Variants in RAD51B observed in about 807,000 individuals in gnomAD.
RAD51B encodes RAD51 paralog B.
RAD51B carries 38 observed loss-of-function variants against 42.2 expected under a neutral mutation model. That is an observed-to-expected ratio of 0.90 (90% CI 0.70 to 1.18). The LOEUF is 1.18. Among genes scored for constraint, RAD51B ranks in the 50% most tolerant of loss-of-function variants. The pLI is 0.00. For missense variants in RAD51B, 373 were observed against 400.7 expected (o/e 0.93, Z 0.59); for synonymous variants, 154 against 145.2 (o/e 1.06, Z -0.43).
intron 7 of RAD51B, among the ~76,000 whole-genome samples, chr14:67,893,467 G>GACACACACAC (rs756541648): frequency 9.0e-6 from 1 of 111,292 alleles, no homozygotes; most frequent in African/African-American, 4.1e-5. Flanking sequence ...CACAGACACA[G>GACACACACAC]ACACACACAC....
At chr14:68,102,961 G>C (rs1323428528) in intron 7 of RAD51B, among the ~76,000 whole-genome samples, 2 of 152,102 alleles carry the variant, frequency 1.3e-5, no homozygotes, top group Non-Finnish European at 2.9e-5. Context: ...TCTTCACATG[G>C]CAGCAGAAGA....
At chr14:68,645,097 G>C (rs1764936918) in intron 10 of RAD51B, among the ~76,000 whole-genome samples, 1 of 152,128 alleles carries the variant, frequency 6.6e-6, no homozygotes, top group African/African-American at 2.4e-5. Flanking sequence ...TCCATCACTA[G>C]AGCATTTTGA....
At chr14:67,827,515 G>A (rs1459925515) in intron 3 of RAD51B, among the ~76,000 whole-genome samples, 5 of 151,364 alleles carry the variant, frequency 3.3e-5, no homozygotes, top group African/African-American at 1.2e-4. Context: ...TGTGCAGGAT[G>A]TGCAGGTTTG....
At chr14:68,568,304 T>C (rs1889522952) in intron 10 of RAD51B, among the ~76,000 whole-genome samples, 1 of 151,978 alleles carries the variant, frequency 6.6e-6, no homozygotes, top group African/African-American at 2.4e-5. Flanking sequence ...GGTAGGTGAG[T>C]GGGTGGAGAA....
downstream of RAD51B, among the ~76,000 whole-genome samples, chr14:68,614,394 A>G (rs927457221): frequency 6.6e-6 from 1 of 152,186 alleles, no homozygotes; most frequent in African/African-American, 2.4e-5. Flanking sequence ...TCACCCTCTT[A>G]AAGTGTACAA....
chr14:68,648,343 A>C (rs1193013771), intron 10 of RAD51B, among the ~76,000 whole-genome samples: 1 of 141,986 alleles, frequency 7.0e-6, no homozygotes, highest in Non-Finnish European at 1.5e-5. Flanking sequence ...GTGCAAGTTG[A>C]TTTATTGAGG....
intron 7 of RAD51B, among the ~76,000 whole-genome samples, chr14:67,940,040 AT>A (rs1376600474): frequency 9.2e-5 from 1 of 10,812 alleles, no homozygotes; most frequent in African/African-American, 2.0e-4. Context: ...ATATATATAT[AT>A]ATATATATAT....
chr14:68,273,569 C>A (rs1004708738), intron 7 of RAD51B, among the ~76,000 whole-genome samples: 1 of 152,098 alleles, frequency 6.6e-6, no homozygotes, highest in African/African-American at 2.4e-5. Flanking sequence ...ATTATCAGGC[C>A]CCGTTAGCCT....
At chr14:68,200,869 G>A (rs1333216266) in intron 7 of RAD51B, among the ~76,000 whole-genome samples, 1 of 151,894 alleles carries the variant, frequency 6.6e-6, no homozygotes, top group Non-Finnish European at 1.5e-5. Context: ...TGTTGCCCAG[G>A]CCGGTCTCAA....
intron 10 of RAD51B, among the ~76,000 whole-genome samples, chr14:68,559,570 G>A (rs752151899): frequency 2.0e-5 from 3 of 151,976 alleles, no homozygotes; most frequent in Non-Finnish European, 4.4e-5. Flanking sequence ...TGGTAGAGAA[G>A]AGTGTCACCA....
chr14:68,368,309 G>A (rs567508460), intron 8 of RAD51B, among the ~76,000 whole-genome samples: 1 of 152,294 alleles, frequency 6.6e-6, no homozygotes, highest in South Asian at 2.1e-4. Flanking sequence ...CCCACAGCCA[G>A]TGCATGCTAA....
chr14:68,459,473 G>A (rs1211090229), intron 9 of RAD51B, among the ~76,000 whole-genome samples: 1 of 152,224 alleles, frequency 6.6e-6, no homozygotes, highest in Non-Finnish European at 1.5e-5. Context: ...GACTCCAGTT[G>A]AAGTGAGATA....
intron 7 of RAD51B, among the ~76,000 whole-genome samples, chr14:68,148,418 A>G (rs1056046631): frequency 6.6e-6 from 1 of 152,200 alleles, no homozygotes; most frequent in African/African-American, 2.4e-5. Context: ...TGTCTGTACC[A>G]TTTTGCTTTC....
At chr14:68,132,562 TA>T (rs1227542066) in intron 7 of RAD51B, among the ~76,000 whole-genome samples, 1 of 152,122 alleles carries the variant, frequency 6.6e-6, no homozygotes, top group African/African-American at 2.4e-5. Context: ...ACTAGCTTGG[TA>T]AAAAGAGGAA....
chr14:68,144,387 G>GC (rs1196037921), intron 7 of RAD51B, among the ~76,000 whole-genome samples: 1 of 152,226 alleles, frequency 6.6e-6, no homozygotes, highest in Admixed American at 6.5e-5. Flanking sequence ...ATCTCAGGAA[G>GC]CCTGATTGAA....
chr14:68,206,429 A>T (rs1410089711), intron 7 of RAD51B, among the ~76,000 whole-genome samples: 1 of 152,208 alleles, frequency 6.6e-6, no homozygotes. Flanking sequence ...TCCAAACTTT[A>T]TAAGATGACT....
intron 4 of RAD51B, among the ~76,000 whole-genome samples, chr14:67,862,250 T>C (rs2042187273): frequency 6.6e-6 from 1 of 152,032 alleles, no homozygotes; most frequent in Non-Finnish European, 1.5e-5. Context: ...TTGAACTCCA[T>C]AAATATATAT....
intron 7 of RAD51B, among the ~76,000 whole-genome samples, chr14:67,934,256 T>C (rs1282886502): frequency 6.6e-6 from 1 of 152,120 alleles, no homozygotes. Flanking sequence ...AGCAATTGCC[T>C]GTGAGAGCAG....
chr14:68,040,728 G>C (rs924107771), intron 7 of RAD51B, among the ~76,000 whole-genome samples: 2 of 152,156 alleles, frequency 1.3e-5, no homozygotes, highest in Non-Finnish European at 2.9e-5. Context: ...AACTTACCTG[G>C]GTAAGGTCCA....
Sources: gnomAD v4.1 joint callset for allele counts (sites outside exome capture counted in the v4.1 genomes callset) on GRCh38, gnomAD v4.1.1 for gene constraint, MANE v1.5 for transcripts, NCBI Gene and HGNC (gene_info 2026-07-23, HGNC 2026-07-21) for gene names.